NCOA3: variants seen among roughly 807,000 people sequenced by gnomAD.
NCOA3 encodes the protein CBP-interacting protein.
NCOA3 carries 51 observed loss-of-function variants against 158.8 expected under a neutral mutation model. The ratio of observed to expected loss-of-function variants is 0.32; its 90% CI spans 0.26 to 0.41. NCOA3 has a LOEUF of 0.41. Among genes scored for constraint, NCOA3 ranks in the 10% least tolerant of loss-of-function variants. The pLI is 1.00. For synonymous variants in NCOA3, 537 were observed against 592.4 expected, an observed-to-expected ratio of 0.91 and a Z score of 1.36; for missense variants, 1,510 against 1,746.6, an observed-to-expected ratio of 0.86 and a Z score of 2.41.
intron 1 of NCOA3, among the ~76,000 whole-genome samples, chr20:47,569,607 C>G (rs1371985597): frequency 6.6e-6 from 1 of 151,124 alleles, no homozygotes; most frequent in Non-Finnish European, 1.5e-5. Flanking sequence ...TGCTTGAACT[C>G]GGGAGGCGGA....
chr20:47,557,705 A>G (rs1484098254), intron 1 of NCOA3, among the ~76,000 whole-genome samples: 1 of 152,218 alleles, frequency 6.6e-6, no homozygotes, highest in Non-Finnish European at 1.5e-5. Context: ...GTTTATTGAC[A>G]AAGATATATA....
chr20:47,633,993 T>C, intron 9 of NCOA3, 55 bp from the exon 10 acceptor site: 1 of 1,597,724 alleles, frequency 6.3e-7, no homozygotes, highest in South Asian at 1.1e-5. Flanking sequence ...TCCCCTCCTA[T>C]ATATATTTGT....
At chr20:47,629,773 A>G (rs1317134469) in intron 8 of NCOA3, among the ~76,000 whole-genome samples, 1 of 152,160 alleles carries the variant, frequency 6.6e-6, no homozygotes. Context: ...TTAATTTTCT[A>G]CTTGAATAGC....
At chr20:47,634,956 T>C (rs1358901827) in intron 10 of NCOA3, among the ~76,000 whole-genome samples, 2 of 147,016 alleles carry the variant, frequency 1.4e-5, no homozygotes, top group Non-Finnish European at 3.0e-5. Flanking sequence ...AGAGACAGAG[T>C]CTTGATCTGT....
chr20:47,511,555 ATT>A (rs10696056), intron 1 of NCOA3, among the ~76,000 whole-genome samples: 2 of 23,474 alleles, frequency 8.5e-5, no homozygotes, highest in Admixed American at 1.5e-3. Flanking sequence ...ATATATATAT[ATT>A]TCTTTTTTTT....
chr20:47,596,451 A>C (rs2085757042), intron 2 of NCOA3, among the ~76,000 whole-genome samples: 1 of 152,212 alleles, frequency 6.6e-6, no homozygotes. Flanking sequence ...TGAAGTGTGA[A>C]CAACGTTGCA....
intron 3 of NCOA3, 119 bp from the exon 4 acceptor site, chr20:47,623,791 AG>A (rs199988690): frequency 1.1e-6 from 1 of 930,928 alleles, no homozygotes. Flanking sequence ...CTCTGTCTCG[AG>A]GAAAAAAAAA....
chr20:47,637,490 G>A (rs578210143), intron 12 of NCOA3, among the ~76,000 whole-genome samples, 158 bp from the exon 13 acceptor site: 88 of 152,264 alleles, frequency 5.8e-4, no homozygotes, highest in African/African-American at 2.0e-3. Context: ...TTAGAGATGG[G>A]GGTCATAATA....
At chr20:47,617,595 G>T (rs1227638729) in intron 2 of NCOA3, among the ~76,000 whole-genome samples, 1 of 152,128 alleles carries the variant, frequency 6.6e-6, no homozygotes, top group Non-Finnish European at 1.5e-5. Context: ...AACAGGCGTG[G>T]CAACTAAAAC....
chr20:47,537,643 G>A (rs1409259709), intron 1 of NCOA3, among the ~76,000 whole-genome samples: 2 of 150,356 alleles, frequency 1.3e-5, no homozygotes, highest in African/African-American at 4.9e-5. Flanking sequence ...CAGGTGGCAC[G>A]ATCTCAGCTC....
At position 47,504,194 on chromosome 20, in the gene NCOA3, A is replaced by T. The variant is rs182690357; in HGVS notation, c.-99+2175A>T. Among the ~76,000 whole-genome samples the T allele has an allele frequency of 9.2e-5, 14 of 152,354 alleles. No individual in the cohort carries two copies. The East Asian group carries it at 2.5e-3, about 27-fold the overall frequency. On this transcript the variant is annotated intron_variant, in intron 1 of 22. Transcript: ENST00000371998. ...AATTCAGTGATATTAGAGCTAGGTT[A>T]TTAAAGATTATATTAAATAATTTAA...
chr20:47,633,619 A>G lies in NCOA3; in HGVS notation c.947A>G (p.Lys316Arg), dbSNP rs2086458646. ...SLNDGQSWSQ[K>R]RHYQEAYLNG... ...AATGATGGGCAGTCATGGTCCCAGAAACGTCACTATCAAGAAGGTAAAGAA... is the reference window on the plus strand; with the variant it reads ...AATGATGGGCAGTCATGGTCCCAGAGACGTCACTATCAAGAAGGTAAAGAA... Residue 316 changes from lysine to arginine, a missense_variant, in exon 9 of 23, where the codon AAA becomes AGA. By Grantham distance (26) the Lys-to-Arg change is conservative. Transcript: ENST00000371998. 1.9e-6 allele frequency: 3 copies of G among 1,613,084 alleles called. No homozygotes were observed. The highest frequency in any genetic ancestry group is 1.7e-6 in the Non-Finnish European group (2 of 1,179,770).
chr20:47,502,224 C>T (rs945751319), intron 1 of NCOA3, among the ~76,000 whole-genome samples: 6 of 152,124 alleles, frequency 3.9e-5, no homozygotes, highest in Admixed American at 1.3e-4. Context: ...GGGCGGCCCG[C>T]GGCGGTAGGA....
chr20:47,534,616 T>C (rs2084603175), intron 1 of NCOA3, among the ~76,000 whole-genome samples: 2 of 152,172 alleles, frequency 1.3e-5, no homozygotes, highest in African/African-American at 4.8e-5. Context: ...TACTGACATC[T>C]TTTGAGAATG....
At chr20:47,539,477 T>C (rs2084688194) in intron 1 of NCOA3, among the ~76,000 whole-genome samples, 1 of 152,368 alleles carries the variant, frequency 6.6e-6, no homozygotes, top group Admixed American at 6.5e-5. Flanking sequence ...AAATATTTGC[T>C]GAATAAATTT....
At chr20:47,510,773 T>G (rs1448685879) in intron 1 of NCOA3, among the ~76,000 whole-genome samples, 1 of 152,004 alleles carries the variant, frequency 6.6e-6, no homozygotes, top group African/African-American at 2.4e-5. Flanking sequence ...TTTTAAGTTT[T>G]GTATAGAAGG....
At chr20:47,502,196 G>T (rs1473075065) in intron 1 of NCOA3, among the ~76,000 whole-genome samples, 177 bp downstream of exon 1, 4 of 151,876 alleles carry the variant, frequency 2.6e-5, no homozygotes, top group Non-Finnish European at 2.9e-5. Context: ...GGGCCGCGCC[G>T]CTTCCCCTCA....
At chr20:47,597,482 CTTTTT>C (rs772828107) in intron 2 of NCOA3, among the ~76,000 whole-genome samples, 1 of 125,348 alleles carries the variant, frequency 8.0e-6, no homozygotes. Flanking sequence ...CTAACCTGTG[CTTTTT>C]TTTTTTTTTT....
At chr20:47,624,930 G>A (rs1471248376) in intron 4 of NCOA3, among the ~76,000 whole-genome samples, 2 of 151,926 alleles carry the variant, frequency 1.3e-5, no homozygotes, top group Non-Finnish European at 2.9e-5. Flanking sequence ...CTGCCACCAC[G>A]CCCAGCTAAG....
Sources: gnomAD v4.1 joint callset for allele counts (sites outside exome capture counted in the v4.1 genomes callset) on GRCh38, gnomAD v4.1.1 for gene constraint, MANE v1.5 for transcripts, NCBI Gene and HGNC (gene_info 2026-07-23, HGNC 2026-07-21) for gene names.